RELN: variants seen among roughly 807,000 people sequenced by gnomAD.
The protein encoded by RELN is reelin.
In RELN, 108 loss-of-function variants were observed where a neutral mutation model predicts 427.6. That is an observed-to-expected ratio of 0.25 (90% CI 0.22 to 0.30). The LOEUF (loss-of-function observed/expected upper bound fraction) is 0.30. Among genes scored for constraint, RELN ranks in the 10% least tolerant of loss-of-function variants. The pLI is 1.00. For missense variants in RELN, 3,715 were observed against 4,302.8 expected (o/e 0.86, Z 3.82); for synonymous variants, 1,524 against 1,513.4 (o/e 1.01, Z -0.16).
At chr7:103,549,488 G>A (rs917716) in intron 41 of RELN, among the ~76,000 whole-genome samples, 49,663 of 152,056 alleles carry the variant, frequency 0.33, 10,464 homozygotes, top group African/African-American at 0.58. Context: ...AAAAATTCAG[G>A]CCATAGCAGT....
At position 103,884,188 on chromosome 7, in the gene RELN, T is replaced by C. The variant is rs552655075; in HGVS notation, c.337+32887A>G. Among the ~76,000 whole-genome samples, 50 of 152,276 alleles carry C rather than the reference T, an allele frequency of 3.3e-4. 1 individual carries two copies. Among genetic ancestry groups the C allele is most frequent in the South Asian group, 1.5e-3 (7 of 4,826 alleles). ...TAAAAACAAGAAATGGGGAAAGGAT[T>C]CCCTATTTAATAAACGTCATTGGAA... On this transcript the variant is annotated intron_variant, in intron 2 of 64. Transcript: ENST00000428762.
chr7:103,739,791 G>A (rs1024371783), intron 6 of RELN, among the ~76,000 whole-genome samples: 1 of 152,198 alleles, frequency 6.6e-6, no homozygotes, highest in Non-Finnish European at 1.5e-5. Context: ...GAGGCAAAGA[G>A]TAGAAGGAAT....
chr7:103,491,848 TCTCTCTCTCACACACACACACACA>T (rs1454699950), intron 58 of RELN, 81 bp downstream of exon 58: 19 of 581,902 alleles, frequency 3.3e-5, no homozygotes, highest in African/African-American at 2.0e-4. Context: ...TCTCTCTCTC[TCTCTCTCTCACACACACACACACA>T]CACACACACA....
chr7:103,756,519 G>C (rs1791158922), intron 4 of RELN, among the ~76,000 whole-genome samples: 1 of 152,092 alleles, frequency 6.6e-6, no homozygotes, highest in South Asian at 2.1e-4. Context: ...GCTGGTAATA[G>C]TGTCTCAATA....
intron 2 of RELN, among the ~76,000 whole-genome samples, chr7:103,907,948 C>T (rs1043163879): frequency 2.0e-5 from 3 of 152,036 alleles, no homozygotes; most frequent in Non-Finnish European, 4.4e-5. Context: ...TGTTCTCCCT[C>T]TCCTTGCCCC....
intron 22 of RELN, among the ~76,000 whole-genome samples, chr7:103,610,137 A>C (rs1831916316): frequency 6.6e-6 from 1 of 152,166 alleles, no homozygotes; most frequent in African/African-American, 2.4e-5. Context: ...AACACAAAAC[A>C]AGGTAATATT....
At chr7:103,825,341 G>T (rs1422968426) in intron 3 of RELN, among the ~76,000 whole-genome samples, 1 of 152,012 alleles carries the variant, frequency 6.6e-6, no homozygotes. Flanking sequence ...CTAAGTCCTG[G>T]GCACTGTAAG....
At chr7:103,971,683 G>A in intron 1 of RELN, among the ~76,000 whole-genome samples, 1 of 152,204 alleles carries the variant, frequency 6.6e-6, no homozygotes, top group Non-Finnish European at 1.5e-5. Context: ...AACAGCTGTA[G>A]TGTTATTAAT....
At chr7:103,910,502 C>T (rs1795340887) in intron 2 of RELN, among the ~76,000 whole-genome samples, 1 of 151,810 alleles carries the variant, frequency 6.6e-6, no homozygotes, top group South Asian at 2.1e-4. Context: ...GAAAAAACTA[C>T]TTTAAGGTTC....
At chr7:103,918,699 T>G (rs898052305) in intron 1 of RELN, among the ~76,000 whole-genome samples, 1 of 152,184 alleles carries the variant, frequency 6.6e-6, no homozygotes, top group African/African-American at 2.4e-5. Flanking sequence ...GTTTTATCTT[T>G]AGCTTGTTTC....
Position 103,478,396 on chromosome 7 carries a change from T to C in RELN, c.10281-2A>G. ...TTAGTAAGGAGGACTTACCTTACTC[T>C]AGTGGAAAACCAATGACAGCAAATA... On this transcript the variant is annotated splice_acceptor_variant, in intron 63 of 64. Coordinates refer to ENST00000428762, the MANE Select transcript of RELN (RefSeq NM_005045.4). LOFTEE classifies it high-confidence loss of function. 1.3e-6 allele frequency: 1 copy of C among 758,356 alleles called. No homozygotes were observed. 47.0% of individuals were successfully genotyped at this position (758,356 alleles called of 1,614,324 possible).
intron 41 of RELN, among the ~76,000 whole-genome samples, chr7:103,547,460 C>A (rs1336756723): frequency 6.6e-6 from 1 of 152,060 alleles, no homozygotes; most frequent in Non-Finnish European, 1.5e-5. Context: ...CCACGCCTGG[C>A]TAATTTTTGT....
chr7:103,714,162 A>G (rs1007866272), intron 8 of RELN, among the ~76,000 whole-genome samples: 8 of 152,220 alleles, frequency 5.3e-5, no homozygotes, highest in African/African-American at 1.9e-4. Flanking sequence ...CCTATGCTAT[A>G]TAACATTTTA....
At chr7:103,708,464 C>CTT (rs745955015) in intron 8 of RELN, among the ~76,000 whole-genome samples, 22 of 110,036 alleles carry the variant, frequency 2.0e-4, no homozygotes, top group Admixed American at 2.8e-4. Context: ...GGGTATGACT[C>CTT]TTTTTTTTTT....
chr7:103,544,461 G>A (rs1228205399), intron 42 of RELN, among the ~76,000 whole-genome samples: 4 of 151,780 alleles, frequency 2.6e-5, no homozygotes, highest in East Asian at 1.9e-4. Context: ...TCCCGACCTC[G>A]TGATCCACCT....
rs769625007 is a variant in RELN, at chr7:103,728,193, T to C, written c.671A>G (p.Asn224Ser). The change falls in exon 7 of 65, where the codon AAC (asparagine) becomes AGC (serine). Residue 224 changes from asparagine (N) to serine (S), a missense_variant. Physicochemically the swap from Asn to Ser is conservative, Grantham distance 46 (BLOSUM62 1). This residue lies in a region of RELN where 2,208 missense variants were observed against 2,361.7 expected (regional missense o/e 0.93). Transcript: ENST00000428762. ...GCCACACTGTTCTCCAGTCTCACAG[T>C]TGTTACATTCAACCCTGCAGGAAAA... ...LNPNIWVECN[N>S]CETGEQCGAI... is the part of the protein sequence containing the mutation. 2 of 1,613,816 alleles carry C rather than the reference T, an allele frequency of 1.2e-6. No homozygotes were observed. Among genetic ancestry groups the C allele is most frequent in the Non-Finnish European group, 1.7e-6 (2 of 1,179,844 alleles).
At chr7:103,985,215 A>G (rs1000305139) in intron 1 of RELN, among the ~76,000 whole-genome samples, 1 of 152,190 alleles carries the variant, frequency 6.6e-6, no homozygotes, top group East Asian at 1.9e-4. Flanking sequence ...TGCCGGACTT[A>G]CAAAATACAG....
intron 1 of RELN, among the ~76,000 whole-genome samples, chr7:103,926,541 G>A (rs1284937249): frequency 6.1e-5 from 9 of 148,010 alleles, no homozygotes; most frequent in Non-Finnish European, 1.2e-4. Context: ...TCTGTTGTTT[G>A]TAAAATGTAT....
intron 11 of RELN, among the ~76,000 whole-genome samples, chr7:103,679,502 A>C (rs902552409): frequency 1.3e-5 from 2 of 152,220 alleles, no homozygotes; most frequent in Non-Finnish European, 2.9e-5. Context: ...ACAATGCCAC[A>C]GCCTGGAAGT....
Sources: allele counts gnomAD v4.1 joint callset (sites outside exome capture counted in the v4.1 genomes callset), GRCh38; gene constraint gnomAD v4.1.1; regional missense constraint gnomAD v4.1.1; transcripts MANE v1.5; gene names NCBI Gene and HGNC (gene_info 2026-07-23, HGNC 2026-07-21).